LMNTD2: variants seen among roughly 807,000 people sequenced by gnomAD.
LMNTD2 encodes lamin tail domain-containing protein 2.
A neutral mutation model predicts 70.1 loss-of-function variants in LMNTD2; 83 were observed. The ratio of observed to expected loss-of-function variants is 1.18; its 90% CI spans 0.99 to 1.42. The LOEUF (loss-of-function observed/expected upper bound fraction) is 1.42, where lower values mean the gene tolerates loss of function less well. Among genes scored for constraint, LMNTD2 ranks in the 40% most tolerant of loss-of-function variants. The pLI is 0.00. For missense variants in LMNTD2, 1,153 were observed against 905.9 expected (o/e 1.27, Z -3.50); for synonymous variants, 534 against 406.1 (o/e 1.31, Z -3.79).
Position 558,642 on chromosome 11 carries a change from C to T in LMNTD2, c.283G>A (p.Glu95Lys), listed in dbSNP as rs1853063397. 1 of 1,607,982 alleles carries T rather than the reference C, an allele frequency of 6.2e-7. No individual in the cohort carries two copies. The highest frequency in any genetic ancestry group is 2.2e-5 in the East Asian group (1 of 44,728). ...GEDARLCHILEEVAGLPPKRS... is the reference protein window; with the variant it reads ...GEDARLCHILKEVAGLPPKRS... ...TTGGGCGGAAGCCCCGCCACCTCTTCCAGGATGTGGCAGAGCCGGGCGTCC... is the reference window on the plus strand; with the variant it reads ...TTGGGCGGAAGCCCCGCCACCTCTTTCAGGATGTGGCAGAGCCGGGCGTCC... Residue 95 changes from glutamate to lysine, a missense_variant, in exon 3 of 14, where the codon GAA becomes AAA. Coordinates refer to ENST00000329451, the MANE Select transcript of LMNTD2 (RefSeq NM_173573.3).
rs1337742635 is a variant in LMNTD2 at position 556,889 on chromosome 11, C to T, written c.922G>A (p.Ala308Thr). ...TGCACCAGCGCTTGCTCGGAGGAAG[C>T]GCGGTGGTCCCGGGGCGGGTGCCCT... Reference protein sequence around the residue: ...VIGHPPRDHRASSEQALVQAG... With the variant: ...VIGHPPRDHRTSSEQALVQAG... Residue 308 changes from alanine (A) to threonine (T), a missense_variant, in exon 8 of 14, where the codon GCT (alanine) becomes ACT (threonine). Coordinates refer to ENST00000329451, the MANE Select transcript of LMNTD2 (RefSeq NM_173573.3). The T allele has an allele frequency of 5.0e-6, 8 of 1,595,362 alleles. No individual in the cohort carries two copies. The highest frequency in any genetic ancestry group is 6.0e-6 in the Non-Finnish European group (7 of 1,173,060).
chr11:558,630 C>CCGCCA lies in LMNTD2; in HGVS notation c.290_294dup (p.Gly99TrpfsTer24). 1.2e-6 allele frequency: 2 copies of CCGCCA among 1,607,120 alleles called. No homozygotes were observed. Among genetic ancestry groups the CCGCCA allele is most frequent in the Non-Finnish European group, 8.5e-7 (1 of 1,178,214 alleles). The stretch of plus-strand genomic sequence containing the variant: ...GCTGCAGACCTCTTGGGCGGAAGCC[C>CCGCCA]CGCCACCTCTTCCAGGATGTGGCAG... On this transcript the variant is annotated frameshift_variant, in exon 3 of 14. Coordinates refer to ENST00000329451, the MANE Select transcript of LMNTD2 (RefSeq NM_173573.3). LOFTEE classifies it high-confidence loss of function.
At position 558,782 on chromosome 11, in the gene LMNTD2, A is replaced by G. The variant is rs1399891268; in HGVS notation, c.159-16T>C. 6.2e-7 allele frequency: 1 copy of G among 1,601,974 alleles called. No homozygotes were observed. The highest frequency in any genetic ancestry group is 8.5e-7 in the Non-Finnish European group (1 of 1,171,774). On this transcript the variant is annotated splice_polypyrimidine_tract_variant and intron_variant, in intron 2 of 13. Transcript: ENST00000329451. ...AAGAGCCAACCTGCAGCGGCAGCAG[A>G]CCCTGCTGCTTACTCAGGCCGGCCC...
At chr11:556,634 C>T (rs1387605401) in intron 8 of LMNTD2, 46 bp from the exon 9 acceptor site, 3 of 1,450,806 alleles carry the variant, frequency 2.1e-6, no homozygotes, top group African/African-American at 2.8e-5. Context: ...GAATGGAGTC[C>T]CCACCGGATG....
intron 12 of LMNTD2, 106 bp from the exon 13 acceptor site, chr11:555,609 A>C (rs899758129): frequency 5.0e-4 from 627 of 1,247,896 alleles, no homozygotes; most frequent in Non-Finnish European, 6.1e-4. Flanking sequence ...CTGGAGGACC[A>C]GGGGGCGGCC....
At chr11:560,567 C>T in intron 1 of LMNTD2, 116 bp downstream of exon 1, 1 of 1,287,840 alleles carries the variant, frequency 7.8e-7, no homozygotes, top group Non-Finnish European at 9.9e-7. Context: ...GCCCCGCTGC[C>T]CCTGGACGCA....
chr11:555,556 A>G, intron 12 of LMNTD2, 53 bp from the exon 13 acceptor site: 1 of 1,321,496 alleles, frequency 7.6e-7, no homozygotes. Flanking sequence ...AGGCGGCCCT[A>G]GAGGGCTCCG....
At chr11:558,487 A>C (rs1306949714) in intron 3 of LMNTD2, 127 bp downstream of exon 3, 1 of 1,255,160 alleles carries the variant, frequency 8.0e-7, no homozygotes, top group African/African-American at 1.5e-5. Flanking sequence ...ATCAGGGTGG[A>C]GGGTCAGCGC....
intron 7 of LMNTD2, 73 bp from the exon 8 acceptor site, chr11:557,170 G>C: frequency 1.3e-6 from 2 of 1,487,320 alleles, no homozygotes; most frequent in South Asian, 2.6e-5. Context: ...GCCTCACAAG[G>C]CAGTGCAGCA....
rs11246185 is a variant in LMNTD2, at chr11:556,785, G to T, written c.976+50C>A. ...CTCTGAGTGAGATCACAGCTCTGAG[G>T]GGGTGGAGGGTGGGTGAAGGGTAAC... On this transcript the variant is annotated intron_variant, in intron 8 of 13. Transcript: ENST00000329451. 2.7e-4 allele frequency: 408 copies of T among 1,498,234 alleles called. No homozygotes were observed. In the African/African-American group the frequency reaches 5.2e-3, roughly 19 times the overall value. The allele number at this position is 1,498,234 out of a possible 1,614,324, so 92.8% of individuals were successfully genotyped here.
intron 1 of LMNTD2, chr11:559,269 T>G: frequency 6.7e-7 from 1 of 1,482,958 alleles, no homozygotes; most frequent in South Asian, 1.2e-5. Flanking sequence ...ACCCAGGTGC[T>G]GGCCCTTTGC....
Position 555,793 on chromosome 11 carries a change from T to C in LMNTD2, c.1515A>G (p.Pro505=). The C allele has an allele frequency of 1.3e-6, 2 of 1,516,560 alleles. No individual in the cohort carries two copies. The highest frequency in any genetic ancestry group is 1.7e-6 in the Non-Finnish European group (2 of 1,144,596). 93.9% of individuals were successfully genotyped at this position (1,516,560 alleles called of 1,614,324 possible). The part of the protein sequence containing the change: ...PGADTRKPPR[P]PRPLRKGRVR... ...CCCGGCCTTTGCGCAGGGGTCGAGG[T>C]GGGCGCGGCGGCTTGCGGGTGTCGG... The change falls in exon 12 of 14, where the codon CCA becomes CCG. Residue 505 remains proline, a synonymous_variant. Coordinates refer to ENST00000329451, the MANE Select transcript of LMNTD2 (RefSeq NM_173573.3).
intron 12 of LMNTD2, 86 bp downstream of exon 12, chr11:555,648 G>A (rs1852803766): frequency 2.3e-6 from 3 of 1,296,446 alleles, no homozygotes; most frequent in African/African-American, 1.6e-5. Flanking sequence ...GTAGGGGTCC[G>A]TCCTAGCGAG....
chr11:559,571 G>A lies in LMNTD2; in HGVS notation c.35-592C>T, dbSNP rs114631043. The A allele has an allele frequency of 1.7e-3, 2,069 of 1,194,270 alleles. 16 individuals are homozygous for A. In the African/African-American group the frequency reaches 0.019, roughly 11 times the overall value. 74.0% of individuals were successfully genotyped at this position (1,194,270 alleles called of 1,614,324 possible). A position where few individuals can be genotyped will look rare whatever the true frequency, so the allele number is the denominator to read the frequency against. On this transcript the variant is annotated intron_variant, in intron 1 of 13. Coordinates refer to ENST00000329451, the MANE Select transcript of LMNTD2 (RefSeq NM_173573.3). ...ACCACTTAGTGACCAACACCCTGAG[G>A]GAGGCCCCAGCATCCCCTACCTAGC...
Position 556,227 on chromosome 11 carries a change from G to A in LMNTD2, c.1222C>T (p.Pro408Ser), listed in dbSNP as rs1564815207. The change falls in exon 10 of 14, where the codon CCG becomes TCG. Residue 408 changes from proline to serine, a missense_variant. By Grantham distance (74) the Pro-to-Ser change is moderately conservative. Coordinates refer to ENST00000329451, the MANE Select transcript of LMNTD2 (RefSeq NM_173573.3). ...TGCCGCGGGGCCAGCAGCGTGCCCGGCGGGAAGCGGTACAGGCGCTCCGGG... is the reference window on the plus strand; with the variant it reads ...TGCCGCGGGGCCAGCAGCGTGCCCGACGGGAAGCGGTACAGGCGCTCCGGG... ...GFPERLYRFP[P>S]GTLLAPRHHV... 7.3e-6 allele frequency: 11 copies of A among 1,497,352 alleles called. No individual in the cohort carries two copies. The highest frequency in any genetic ancestry group is 9.7e-6 in the Non-Finnish European group (11 of 1,129,418). 92.8% of individuals were successfully genotyped at this position (1,497,352 alleles called of 1,614,324 possible). A position where few individuals can be genotyped will look rare whatever the true frequency, so the allele number is the denominator to read the frequency against.
intron 13 of LMNTD2, 64 bp from the exon 14 acceptor site, chr11:555,175 A>AGG: frequency 3.4e-6 from 1 of 295,150 alleles, no homozygotes; most frequent in South Asian, 1.4e-4. Flanking sequence ...AGGGGAGGGG[A>AGG]GGAGAGGGGA....
In LMNTD2 at chr11:556,312, C is replaced by G. The variant is rs1589828599; in HGVS notation, c.1137G>C (p.Pro379=). Residue 379 remains proline, a synonymous_variant, in exon 10 of 14, where the codon CCG becomes CCC. Coordinates refer to ENST00000329451, the MANE Select transcript of LMNTD2 (RefSeq NM_173573.3). ...TCAGGTCGGCCGTGCTCTCCTGCGA[C>G]GGGTTGAAGATGCGGACGAACTTCT... ...CREKFVRIFN[P]SQESTADLSG... 1.3e-6 allele frequency: 2 copies of G among 1,535,708 alleles called. No individual in the cohort carries two copies. Among genetic ancestry groups the G allele is most frequent in the Middle Eastern group, 1.7e-4 (1 of 5,942 alleles).
Position 556,379 on chromosome 11 carries a change from G to A in LMNTD2, c.1074-4C>T. 2.0e-6 allele frequency: 3 copies of A among 1,536,454 alleles called. No homozygotes were observed. The highest frequency in any genetic ancestry group is 2.6e-6 in the Non-Finnish European group (3 of 1,145,676). On this transcript the variant is annotated splice_polypyrimidine_tract_variant and splice_region_variant and intron_variant, in intron 9 of 13. Coordinates refer to ENST00000329451, the MANE Select transcript of LMNTD2 (RefSeq NM_173573.3). ...CACGATCTTCAGGCCTGTCGGGCTGGGAAGAGAGGAGACGCTGTGAGGAGA... is the reference window on the plus strand; with the variant it reads ...CACGATCTTCAGGCCTGTCGGGCTGAGAAGAGAGGAGACGCTGTGAGGAGA...
In LMNTD2 at chr11:556,075, C is replaced by T; in HGVS notation, c.1298G>A (p.Arg433His). The T allele has an allele frequency of 6.5e-7, 1 of 1,542,528 alleles. No homozygotes were observed. Among genetic ancestry groups the T allele is most frequent in the Non-Finnish European group, 8.7e-7 (1 of 1,155,486 alleles). Residue 433 changes from arginine to histidine, a missense_variant, in exon 11 of 14, where the codon CGC becomes CAC. Physicochemically the swap from Arg to His is conservative, Grantham distance 29. Coordinates refer to ENST00000329451, the MANE Select transcript of LMNTD2 (RefSeq NM_173573.3). ...EATRSAKKPL[R>H]ASSSREPVPL... is the part of the protein sequence containing the mutation. ...AACGGGCTCCCGGCTCGAGGACGCG[C>T]GCAGCGGCTTCTTGGCGCTGCGGGT...
Sources: gnomAD v4.1 joint callset for allele counts on GRCh38, gnomAD v4.1.1 for gene constraint, MANE v1.5 for transcripts, NCBI Gene and HGNC (gene_info 2026-07-23, HGNC 2026-07-21) for gene names.